Variants in S100A16 observed in about 807,000 individuals in gnomAD.
S100A16 encodes the protein S100 calcium binding protein A16, also known as protein S100-A16.
Under a neutral mutation model 9.0 loss-of-function variants are expected in S100A16, and 8 were observed. That is an observed-to-expected ratio of 0.89 (90% confidence interval 0.52 to 1.60). The LOEUF is 1.60. Among genes scored for constraint, S100A16 ranks in the 40% most tolerant of loss-of-function variants. The pLI is 0.00. For missense variants in S100A16, 138 were observed against 132.4 expected (o/e 1.04, Z -0.21); for synonymous variants, 51 against 51.4 (o/e 0.99, Z 0.04).
At chr1:153,608,220 G>C in intron 1 of S100A16, 43 bp from the exon 2 acceptor site, 1 of 1,559,588 alleles carries the variant, frequency 6.4e-7, no homozygotes, top group Non-Finnish European at 8.7e-7. Flanking sequence ...ACACCCACAG[G>C]CCATACCTCC....
At position 153,608,099 on chromosome 1, in the gene S100A16, T is replaced by C. The variant is rs1314663704; in HGVS notation, c.53A>G (p.Asn18Ser). 6.2e-7 allele frequency: 1 copy of C among 1,614,012 alleles called. No individual in the cohort carries two copies. Among genetic ancestry groups the C allele is most frequent in the Non-Finnish European group, 8.5e-7 (1 of 1,179,940 alleles). Residue 18 changes from asparagine to serine, a missense_variant, in exon 2 of 3, where the codon AAC (asparagine) becomes AGC (serine). Transcript: ENST00000368706. ...LEKAVIVLVE[N>S]FYKYVSKYSL... is the part of the protein sequence containing the mutation. The stretch of plus-strand genomic sequence containing the variant: ...GTACTTAGACACATATTTGTAGAAG[T>C]TTTCCACCAGGACAATGACTGCCTT...
At position 153,607,581 on chromosome 1, in the gene S100A16, G is replaced by A. The variant is rs1187251504; in HGVS notation, c.265C>T (p.Pro89Ser). 11 of 1,614,086 alleles carry A rather than the reference G, an allele frequency of 6.8e-6. No homozygotes were observed. Among genetic ancestry groups the A allele is most frequent in the Non-Finnish European group, 8.5e-6 (10 of 1,180,014 alleles). The change falls in exon 3 of 3, where the codon CCC (proline) becomes TCC (serine). Residue 89 changes from proline (P) to serine (S), a missense_variant. Physicochemically the swap from Pro to Ser is moderately conservative, Grantham distance 74. Transcript: ENST00000368706. Reference protein sequence around the residue: ...YWTLIGGITGPIAKLIHEQEQ... With the variant: ...YWTLIGGITGSIAKLIHEQEQ... ...TGCTCATGGATGAGTTTGGCGATGG[G>A]GCCGGTGATGCCGCCTATCAAGGTC...
At chr1:153,608,274 CT>C in intron 1 of S100A16, 97 bp from the exon 2 acceptor site, 2 of 1,017,192 alleles carry the variant, frequency 2.0e-6, no homozygotes. Flanking sequence ...CTCCTCCTGC[CT>C]TGTTTCTGGT....
At chr1:153,607,925 C>T (rs1465380268) in intron 2 of S100A16, 74 bp downstream of exon 2, 15 of 1,477,040 alleles carry the variant, frequency 1.0e-5, no homozygotes, top group East Asian at 9.0e-5. Flanking sequence ...CAGGGAAAGA[C>T]ACCCTCAGAG....
chr1:153,609,059 C>T (rs1179142384), intron 1 of S100A16: 5 of 985,588 alleles, frequency 5.1e-6, no homozygotes, highest in South Asian at 4.7e-5. Flanking sequence ...GGGGAGCAGG[C>T]GGATCTGGAT....
At chr1:153,608,643 G>A (rs1292098484) in intron 1 of S100A16, among the ~76,000 whole-genome samples, 1 of 151,284 alleles carries the variant, frequency 6.6e-6, no homozygotes, top group Non-Finnish European at 1.5e-5. Context: ...GACTGGCTGA[G>A]ACCCCAGCCC....
chr1:153,607,652 TTCTGGATGAGCTTA>T lies in S100A16; in HGVS notation c.180_193del (p.Asp60GlufsTer7). 1.2e-6 allele frequency: 2 copies of T among 1,614,146 alleles called. No homozygotes were observed. The highest frequency in any genetic ancestry group is 1.7e-6 in the Non-Finnish European group (2 of 1,179,994). On this transcript the variant is annotated frameshift_variant, in exon 3 of 3. Transcript: ENST00000368706. LOFTEE classifies it high-confidence loss of function. The stretch of plus-strand genomic sequence containing the variant: ...GCGCCCATCATGATTGGCATCCAGG[TTCTGGATGAGCTTA>T]TCCGCAGCCTTCCGGTTCCCTGTGT...
intron 1 of S100A16, among the ~76,000 whole-genome samples, chr1:153,611,623 ACATT>A (rs1311430169): frequency 6.6e-6 from 1 of 152,184 alleles, no homozygotes; most frequent in Non-Finnish European, 1.5e-5. Context: ...ACTCTCTTGC[ACATT>A]CATTCATTCA....
At chr1:153,608,875 A>G (rs1187249488) in intron 1 of S100A16, 1 of 974,792 alleles carries the variant, frequency 1.0e-6, no homozygotes, top group Non-Finnish European at 1.2e-6. Flanking sequence ...GGACCCAAGA[A>G]CACCCCCACC....
intron 1 of S100A16, among the ~76,000 whole-genome samples, chr1:153,612,370 C>T (rs1346205776): frequency 1.3e-5 from 2 of 152,046 alleles, no homozygotes; most frequent in African/African-American, 4.8e-5. Flanking sequence ...CCCACAGCCT[C>T]ACTCGGGTTC....
chr1:153,609,130 A>G, intron 1 of S100A16: 2 of 984,148 alleles, frequency 2.0e-6, no homozygotes, highest in Non-Finnish European at 2.4e-6. Context: ...GGCAAATCAG[A>G]CTCCCTTCCC....
Position 153,607,101 on chromosome 1 carries a change from C to T in S100A16, c.*433G>A. 2.2e-6 allele frequency: 1 copy of T among 447,636 alleles called. No individual in the cohort carries two copies. The highest frequency in any genetic ancestry group is 1.6e-5 in the South Asian group (1 of 62,806). 27.7% of individuals were successfully genotyped at this position (447,636 alleles called of 1,614,324 possible). A position where few individuals can be genotyped will look rare whatever the true frequency, so the allele number is the denominator to read the frequency against. ...AGGGAAAGTGGAGAGGTCTCTGCTG[C>T]TGCTGCTGCTGCTGCTGCTGCTGTT... On this transcript the variant is annotated 3_prime_UTR_variant, in exon 3 of 3. Coordinates refer to ENST00000368706, the MANE Select transcript of S100A16 (RefSeq NM_080388.3).
At chr1:153,609,927 G>A (rs9792913) in intron 1 of S100A16, among the ~76,000 whole-genome samples, 62,207 of 151,764 alleles carry the variant, frequency 0.41, 14,731 homozygotes, top group East Asian at 0.68. Flanking sequence ...TCCTGCCCTT[G>A]TCTTCCCTCC....
rs769510979 is a variant in S100A16 at position 153,607,624 on chromosome 1, G to A, written c.222C>T (p.Ile74=). ...QNLDANHDGR[I]SFDEYWTLIG... ...TCAAGGTCCAGTACTCATCGAAGCT[G>A]ATGCGCCCATCATGATTGGCATCCA... Residue 74 remains isoleucine, a synonymous_variant, in exon 3 of 3, where the codon ATC becomes ATT. Coordinates refer to ENST00000368706, the MANE Select transcript of S100A16 (RefSeq NM_080388.3). 2 of 1,614,182 alleles carry A rather than the reference G, an allele frequency of 1.2e-6. No homozygotes were observed. Among genetic ancestry groups the A allele is most frequent in the South Asian group, 1.1e-5 (1 of 91,088 alleles).
At chr1:153,610,568 G>A (rs1666811556) in intron 1 of S100A16, among the ~76,000 whole-genome samples, 1 of 152,146 alleles carries the variant, frequency 6.6e-6, no homozygotes, top group African/African-American at 2.4e-5. Context: ...CCTGCTCCCA[G>A]GAGTACTGGG....
intron 1 of S100A16, among the ~76,000 whole-genome samples, chr1:153,610,148 T>G (rs1195657208): frequency 6.6e-6 from 1 of 152,248 alleles, no homozygotes; most frequent in East Asian, 1.9e-4. Flanking sequence ...TCTGCTGTGC[T>G]GCCCTTGGGT....
intron 2 of S100A16, 140 bp from the exon 3 acceptor site, chr1:153,607,832 C>T: frequency 8.1e-7 from 1 of 1,235,794 alleles, no homozygotes. Context: ...ACTGGCTAGG[C>T]CTAAGCATCC....
In S100A16 at chr1:153,608,241, C is replaced by A. The variant is rs568919464; in HGVS notation, c.-26-64G>T. On this transcript the variant is annotated intron_variant, in intron 1 of 2. Transcript: ENST00000368706. ...ACAGGCCATACCTCCTCCTCCTCCA[C>A]ACCCACCCTAGGCCCTGGGTCCCTC... The A allele has an allele frequency of 3.5e-6, 5 of 1,432,758 alleles. No homozygotes were observed. The African/African-American group carries it at 7.0e-5, about 20-fold the overall frequency. 88.8% of individuals were successfully genotyped at this position (1,432,758 alleles called of 1,614,324 possible).
At chr1:153,608,424 AG>A (rs1666752349) in intron 1 of S100A16, 1 of 448,918 alleles carries the variant, frequency 2.2e-6, no homozygotes, top group Non-Finnish European at 4.0e-6. Flanking sequence ...GCCCTGCCCC[AG>A]CCCCAGGCAC....
Sources: allele counts gnomAD v4.1 joint callset (sites outside exome capture counted in the v4.1 genomes callset), GRCh38; gene constraint gnomAD v4.1.1; transcripts MANE v1.5; gene names NCBI Gene and HGNC (gene_info 2026-07-23, HGNC 2026-07-21).